Variants in GRM5 observed in about 807,000 individuals in gnomAD.
GRM5 encodes metabotropic glutamate receptor 5.
Under a neutral mutation model 83.1 loss-of-function variants are expected in GRM5, and 19 were observed. The ratio of observed to expected loss-of-function variants is 0.23; its 90% CI spans 0.16 to 0.34. The LOEUF is 0.34. Ranked by LOEUF, GRM5 falls within the 10% of genes least tolerant of loss-of-function variation. GRM5 has a pLI of 1.00. For missense variants in GRM5, 1,160 were observed against 1,588.3 expected (o/e 0.73, Z 4.58); for synonymous variants, 675 against 633.6 (o/e 1.07, Z -0.98).
chr11:88,982,759 A>G (rs1939569590), intron 2 of GRM5, among the ~76,000 whole-genome samples: 1 of 152,336 alleles, frequency 6.6e-6, no homozygotes, highest in East Asian at 1.9e-4. Context: ...GTACATTTGT[A>G]CTGATTTCCA....
At chr11:88,774,719 T>G (rs547286564) in intron 3 of GRM5, among the ~76,000 whole-genome samples, 2 of 152,368 alleles carry the variant, frequency 1.3e-5, no homozygotes, top group South Asian at 4.1e-4. Flanking sequence ...ATGTGGTTTT[T>G]GTCCTTGGTT....
intron 3 of GRM5, among the ~76,000 whole-genome samples, chr11:88,726,589 C>T (rs1565203571): frequency 6.6e-6 from 1 of 152,142 alleles, no homozygotes. Flanking sequence ...ACATAATCGT[C>T]AGTTTCACCA....
chr11:88,575,061 T>C (rs1943080680), intron 7 of GRM5, among the ~76,000 whole-genome samples: 1 of 150,990 alleles, frequency 6.6e-6, no homozygotes, highest in South Asian at 2.1e-4. Flanking sequence ...GAAGGCATAT[T>C]CTACAGTTGA....
chr11:88,538,532 T>C lies in GRM5; in HGVS notation c.2631-13128A>G, dbSNP rs559294312. Among the ~76,000 whole-genome samples, 15 of 152,356 alleles carry C rather than the reference T, an allele frequency of 9.8e-5. No individual in the cohort carries two copies. In the South Asian group the frequency reaches 2.7e-3, roughly 27 times the overall value. ...TTAAAAGTTGCTAGTTTCTATCTTA[T>C]AGGACTGAGGAATTTTCAGACAGAT... On this transcript the variant is annotated intron_variant, in intron 8 of 9. Coordinates refer to ENST00000305447, the MANE Select transcript of GRM5 (RefSeq NM_001143831.3).
intron 2 of GRM5, among the ~76,000 whole-genome samples, chr11:88,941,101 G>A (rs1248119434): frequency 1.3e-5 from 2 of 151,794 alleles, no homozygotes; most frequent in East Asian, 3.9e-4. Flanking sequence ...ATTAGTATAA[G>A]TCATTTTATA....
intron 3 of GRM5, among the ~76,000 whole-genome samples, chr11:88,742,223 AT>A (rs1292323867): frequency 2.0e-5 from 3 of 151,892 alleles, no homozygotes; most frequent in Admixed American, 6.6e-5. Context: ...TGTAATAATA[AT>A]TATTTACATT....
At chr11:88,678,832 A>G (rs774124082) in intron 3 of GRM5, among the ~76,000 whole-genome samples, 1 of 152,114 alleles carries the variant, frequency 6.6e-6, no homozygotes, top group Non-Finnish European at 1.5e-5. Context: ...GCCAGTATTT[A>G]TTAGCCAGGT....
intron 2 of GRM5, among the ~76,000 whole-genome samples, chr11:89,024,934 C>T (rs1941093359): frequency 6.6e-6 from 1 of 152,142 alleles, no homozygotes; most frequent in South Asian, 2.1e-4. Context: ...AGCTCTACAC[C>T]ACTAACAGAC....
chr11:88,850,495 CT>C (rs1234943318), intron 2 of GRM5, among the ~76,000 whole-genome samples: 4 of 151,938 alleles, frequency 2.6e-5, no homozygotes, highest in African/African-American at 9.7e-5. Flanking sequence ...TGCATTCTAT[CT>C]CACTTCCCTT....
chr11:88,896,372 G>T (rs1331131670), intron 2 of GRM5, among the ~76,000 whole-genome samples: 2 of 151,606 alleles, frequency 1.3e-5, no homozygotes, highest in Admixed American at 6.6e-5. Context: ...AAAGGGATAC[G>T]AAAAAAAGGA....
intron 3 of GRM5, among the ~76,000 whole-genome samples, chr11:88,772,868 G>C (rs1942769476): frequency 6.6e-6 from 1 of 152,136 alleles, no homozygotes; most frequent in Non-Finnish European, 1.5e-5. Flanking sequence ...ATTTGGGTTG[G>C]TTCCAAGTCT....
At chr11:89,064,888 C>CTCTCTCTGTGTGTGTGTGTGTG (rs1218318990) in intron 1 of GRM5, among the ~76,000 whole-genome samples, 4 of 62,264 alleles carry the variant, frequency 6.4e-5, no homozygotes, top group African/African-American at 2.8e-4. Flanking sequence ...CTCTCTCTCT[C>CTCTCTCTGTGTGTGTGTGTGTG]TGTGTGTGTG....
intron 3 of GRM5, among the ~76,000 whole-genome samples, chr11:88,726,968 G>C (rs187384812): frequency 6.6e-6 from 1 of 152,158 alleles, no homozygotes; most frequent in African/African-American, 2.4e-5. Context: ...ATACTATGAA[G>C]AAACTGCATC....
intron 8 of GRM5, among the ~76,000 whole-genome samples, chr11:88,559,740 G>C (rs970735336): frequency 1.3e-5 from 2 of 152,172 alleles, no homozygotes; most frequent in African/African-American, 4.8e-5. Flanking sequence ...CGGTGCAAAT[G>C]ATACAGAAAA....
At chr11:88,635,426 T>G (rs1461367916) in intron 4 of GRM5, among the ~76,000 whole-genome samples, 1 of 152,232 alleles carries the variant, frequency 6.6e-6, no homozygotes, top group Non-Finnish European at 1.5e-5. Flanking sequence ...TGGTTAGCAG[T>G]GTTAAGCACT....
At chr11:88,730,617 C>T (rs896930788) in intron 3 of GRM5, among the ~76,000 whole-genome samples, 4 of 152,018 alleles carry the variant, frequency 2.6e-5, no homozygotes, top group Admixed American at 2.0e-4. Flanking sequence ...TGGAACCAAC[C>T]GAAATGTTCA....
chr11:88,730,457 T>G (rs1213888628), intron 3 of GRM5, among the ~76,000 whole-genome samples: 3 of 152,168 alleles, frequency 2.0e-5, no homozygotes, highest in Non-Finnish European at 4.4e-5. Context: ...GAAGACAGTG[T>G]GGCAATTCCT....
intron 4 of GRM5, among the ~76,000 whole-genome samples, chr11:88,615,498 AG>A (rs1271958322): frequency 6.6e-6 from 1 of 152,082 alleles, no homozygotes; most frequent in Admixed American, 6.6e-5. Context: ...CCTCCACCAG[AG>A]AAGGAAGCAC....
At chr11:88,827,656 T>C (rs556351769) in intron 3 of GRM5, among the ~76,000 whole-genome samples, 1 of 152,288 alleles carries the variant, frequency 6.6e-6, no homozygotes, top group African/African-American at 2.4e-5. Flanking sequence ...GATTCCAGGA[T>C]TCTAAATGAG....
Sources: allele counts gnomAD v4.1 joint callset (sites outside exome capture counted in the v4.1 genomes callset), GRCh38; gene constraint gnomAD v4.1.1; transcripts MANE v1.5; gene names NCBI Gene and HGNC (gene_info 2026-07-23, HGNC 2026-07-21).